Variants in TTC3 observed in about 807,000 individuals in gnomAD.
The protein encoded by TTC3 is E3 ubiquitin-protein ligase TTC3.
In TTC3, 180 loss-of-function variants were observed where a neutral mutation model predicts 249.6. That is an observed-to-expected ratio of 0.72 (90% confidence interval 0.64 to 0.82). The LOEUF is 0.82. Among genes scored for constraint, TTC3 ranks in the 40% least tolerant of loss-of-function variants. The probability of loss-of-function intolerance (pLI) is 0.00; values close to 1 mark genes in which losing one functional copy is unlikely to be tolerated. For synonymous variants in TTC3, 717 were observed against 805.0 expected, an observed-to-expected ratio of 0.89 and a Z score of 1.85; for missense variants, 2,061 against 2,398.4, an observed-to-expected ratio of 0.86 and a Z score of 2.94.
intron 26 of TTC3, 47 bp from the exon 27 acceptor site, chr21:37,152,904 G>T: frequency 5.0e-6 from 7 of 1,400,800 alleles, no homozygotes; most frequent in South Asian, 3.4e-5. Flanking sequence ...TTATGTAATT[G>T]TGAATTAGTC....
chr21:37,108,516 G>T, intron 11 of TTC3, 70 bp downstream of exon 11: 2 of 1,427,116 alleles, frequency 1.4e-6, no homozygotes, highest in South Asian at 1.2e-5. Flanking sequence ...TGTTTATAGG[G>T]TGTGTTTGTT....
exon 46 of TTC3, chr21:37,201,735 C>G: frequency 1.1e-6 from 1 of 933,558 alleles, no homozygotes; most frequent in Non-Finnish European, 1.5e-6. Context: ...AAGTAATTTC[C>G]CCACTCTGAG....
chr21:37,195,483 T>C (rs934067312), intron 41 of TTC3, among the ~76,000 whole-genome samples, 192 bp from the exon 42 acceptor site: 1 of 152,246 alleles, frequency 6.6e-6, no homozygotes, highest in Non-Finnish European at 1.5e-5. Flanking sequence ...CCTCCTACTC[T>C]TGTTCTAATA....
At chr21:37,106,335 A>C (rs897678872) in intron 10 of TTC3, among the ~76,000 whole-genome samples, 2 of 152,152 alleles carry the variant, frequency 1.3e-5, no homozygotes, top group Non-Finnish European at 1.5e-5. Context: ...TATGTATTGC[A>C]AATATCTTCT....
intron 8 of TTC3, among the ~76,000 whole-genome samples, chr21:37,094,758 T>C (rs2073731619): frequency 1.3e-5 from 2 of 152,234 alleles, no homozygotes; most frequent in Admixed American, 1.3e-4. Context: ...TTAGCAATTA[T>C]TCATAAGGTG....
chr21:37,178,184 A>G (rs926817133), intron 35 of TTC3, among the ~76,000 whole-genome samples: 2 of 152,220 alleles, frequency 1.3e-5, no homozygotes, highest in African/African-American at 2.4e-5. Context: ...ATAATATTCT[A>G]TTGTATGACT....
intron 28 of TTC3, chr21:37,157,264 A>T: frequency 3.5e-6 from 4 of 1,130,470 alleles, no homozygotes; most frequent in Non-Finnish European, 4.8e-6. Context: ...CTGCAGAAGT[A>T]GGTGATGTTT....
At chr21:37,163,799 A>G (rs1320259071) in intron 31 of TTC3, among the ~76,000 whole-genome samples, 1 of 152,218 alleles carries the variant, frequency 6.6e-6, no homozygotes, top group African/African-American at 2.4e-5. Flanking sequence ...AGTTTTAAGA[A>G]TTTTGCTCTT....
Position 37,154,735 on chromosome 21 carries a change from G to A in TTC3, c.2740+1458G>A, listed in dbSNP as rs573590666. Among the ~76,000 whole-genome samples the A allele has an allele frequency of 1.1e-3, 166 of 152,118 alleles. 1 individual carries two copies. Among genetic ancestry groups the A allele is most frequent in the African/African-American group, 3.6e-3 (150 of 41,506 alleles). On this transcript the variant is annotated intron_variant, in intron 27 of 45. Transcript: ENST00000355666. ...TTTTGAGACAGAGTGTCGCTCTGTT[G>A]CCCAGGCTGGAGTGCAGCGGCGCGA... is the stretch of plus-strand genomic sequence containing the variant.
chr21:37,166,393 G>C (rs1275782244), exon 33 of TTC3: 1 of 1,614,186 alleles, frequency 6.2e-7, no homozygotes, highest in Non-Finnish European at 8.5e-7. Flanking sequence ...TGAATGCTGA[G>C]AATGTTGCTG....
At chr21:37,109,274 C>A (rs1013072586) in intron 11 of TTC3, among the ~76,000 whole-genome samples, 1 of 152,062 alleles carries the variant, frequency 6.6e-6, no homozygotes, top group Admixed American at 6.5e-5. Context: ...ATGGCCTCAC[C>A]GGGGAAGCGC....
At chr21:37,171,237 C>T (rs1276861333) in intron 34 of TTC3, among the ~76,000 whole-genome samples, 1 of 152,170 alleles carries the variant, frequency 6.6e-6, no homozygotes, top group East Asian at 1.9e-4. Context: ...TTTTGACCAT[C>T]AAATGAATGT....
chr21:37,196,681 G>A (rs945306065), intron 42 of TTC3, among the ~76,000 whole-genome samples: 5 of 152,060 alleles, frequency 3.3e-5, no homozygotes, highest in Non-Finnish European at 5.9e-5. Context: ...ATAAATGAAC[G>A]CAAAACAATA....
chr21:37,126,772 C>T lies in TTC3; in HGVS notation c.1297+629C>T, dbSNP rs140203815. Among the ~76,000 whole-genome samples the T allele has an allele frequency of 2.6e-5, 4 of 152,248 alleles. No individual in the cohort carries two copies. In the East Asian group the frequency reaches 7.7e-4, roughly 29 times the overall value. On this transcript the variant is annotated intron_variant, in intron 15 of 45. Coordinates refer to ENST00000355666, the Ensembl canonical transcript of TTC3. Reference sequence around the variant, plus strand: ...TCGATGTCTGCTGAGGGTCTTCTTCCCGGTTCATAGATGGCCATCTTTTTG... The same window carrying T: ...TCGATGTCTGCTGAGGGTCTTCTTCTCGGTTCATAGATGGCCATCTTTTTG...
chr21:37,121,065 G>T (rs2076539356), intron 11 of TTC3, among the ~76,000 whole-genome samples: 1 of 152,120 alleles, frequency 6.6e-6, no homozygotes, highest in South Asian at 2.1e-4. Flanking sequence ...AAGCAGGGTT[G>T]GTTCAGTTAG....
At chr21:37,087,192 C>A (rs1568864747) in intron 1 of TTC3, 55 bp from the exon 2 acceptor site, 4 of 1,580,780 alleles carry the variant, frequency 2.5e-6, no homozygotes, top group Middle Eastern at 2.3e-4. Flanking sequence ...GGAAAACTTT[C>A]TTCTGTTATC....
chr21:37,086,960 C>T (rs767759251), intron 1 of TTC3: 36 of 303,578 alleles, frequency 1.2e-4, no homozygotes, highest in Non-Finnish European at 1.9e-4. Flanking sequence ...ATAAGATGCC[C>T]TTGATGATCC....
chr21:37,081,475 C>T (rs2071653944), intron 1 of TTC3: 1 of 152,080 alleles, frequency 6.6e-6, no homozygotes, highest in East Asian at 1.9e-4. Flanking sequence ...GATTTTCTGT[C>T]TTTTGTGTTA....
At chr21:37,073,502 G>A (rs2070319418) in intron 1 of TTC3, 29 bp downstream of exon 1, 1 of 984,866 alleles carries the variant, frequency 1.0e-6, no homozygotes, top group Non-Finnish European at 1.2e-6. Flanking sequence ...GCGTCTCCTC[G>A]CGTCCCTCGC....
Sources: gnomAD v4.1 joint callset for allele counts (sites outside exome capture counted in the v4.1 genomes callset) on GRCh38, gnomAD v4.1.1 for gene constraint, MANE v1.5 for transcripts, NCBI Gene and HGNC (gene_info 2026-07-23, HGNC 2026-07-21) for gene names.